RYR3: variants seen among roughly 807,000 people sequenced by gnomAD.
RYR3 encodes the protein brain ryanodine receptor-calcium release channel.
Under a neutral mutation model 584.3 loss-of-function variants are expected in RYR3, and 207 were observed. That is an observed-to-expected ratio of 0.35 (90% CI 0.32 to 0.40). The LOEUF (loss-of-function observed/expected upper bound fraction) is 0.40. Among genes scored for constraint, RYR3 ranks in the 10% least tolerant of loss-of-function variants. The probability of loss-of-function intolerance (pLI) is 1.00; values close to 1 mark genes in which losing one functional copy is unlikely to be tolerated. For synonymous variants in RYR3, 2,416 were observed against 2,248.5 expected (o/e 1.07, Z -2.11); for missense variants, 5,616 against 6,089.2 (o/e 0.92, Z 2.59).
rs772848050 is a variant in RYR3, at chr15:33,566,765, C to A, written c.1234C>A (p.Arg412=). ...GGAGTCCCAGGCTGCTCGGATCATC[C>A]GGAACACTACAGCCTTATTCAGCCA... is the stretch of plus-strand genomic sequence containing the variant. ...REESQAARII[R]NTTALFSQFV... is the part of the protein sequence containing the mutation. The change falls in exon 12 of 104, where the codon CGG becomes AGG. Residue 412 remains arginine, a synonymous_variant. Coordinates refer to ENST00000634891, the MANE Select transcript of RYR3 (RefSeq NM_001036.6). 6.2e-7 allele frequency: 1 copy of A among 1,613,584 alleles called. No individual in the cohort carries two copies. The highest frequency in any genetic ancestry group is 1.3e-5 in the African/African-American group (1 of 74,890).
chr15:33,652,824 C>G lies in RYR3; in HGVS notation c.4249C>G (p.Leu1417Val), dbSNP rs2062566180. Residue 1417 changes from leucine (L) to valine (V), a missense_variant, in exon 32 of 104, where the codon CTG (leucine) becomes GTG (valine). By Grantham distance (32) the Leu-to-Val change is conservative. This residue lies in a region of RYR3 where 753 missense variants were observed against 741.0 expected (regional missense o/e 1.02). Transcript: ENST00000634891. ...VDLEIGCLVD[L>V]AMGMLSFSAN... ...CCTGGAGATCGGCTGTCTCGTGGATCTGGCCATGGGCATGTTGTCCTTCTC... is the reference window on the plus strand; with the variant it reads ...CCTGGAGATCGGCTGTCTCGTGGATGTGGCCATGGGCATGTTGTCCTTCTC... 6.2e-7 allele frequency: 1 copy of G among 1,613,926 alleles called. No individual in the cohort carries two copies. Among genetic ancestry groups the G allele is most frequent in the Non-Finnish European group, 8.5e-7 (1 of 1,179,868 alleles).
intron 60 of RYR3, among the ~76,000 whole-genome samples, chr15:33,761,624 C>T (rs915908142): frequency 6.6e-6 from 1 of 152,140 alleles, no homozygotes; most frequent in Admixed American, 6.5e-5. Context: ...AGCCTACCAA[C>T]CAAAAAAGGC....
chr15:33,412,396 A>T lies in RYR3; in HGVS notation c.52-61023A>T, dbSNP rs1255344554. 6.6e-6 allele frequency among the ~76,000 whole-genome samples: 1 copy of T among 152,074 alleles called. No individual in the cohort carries two copies. The highest frequency in any genetic ancestry group is 1.5e-5 in the Non-Finnish European group (1 of 68,006). ...CAGTGGGAGACAAACTGACAGCGGAAACCCTGGCTCTATTTAAGGCTTCTG... is the reference window on the plus strand; with the variant it reads ...CAGTGGGAGACAAACTGACAGCGGATACCCTGGCTCTATTTAAGGCTTCTG... On this transcript the variant is annotated intron_variant, in intron 1 of 103. Coordinates refer to ENST00000634891, the MANE Select transcript of RYR3 (RefSeq NM_001036.6). This position sits in a 1 kb window ranked among gnomAD's most constrained non-coding sequence, Gnocchi z 4.3.
chr15:33,411,767 C>T (rs1035564680), intron 1 of RYR3, among the ~76,000 whole-genome samples: 4 of 152,132 alleles, frequency 2.6e-5, no homozygotes, highest in African/African-American at 9.7e-5. Context: ...AAATCATGGT[C>T]CTGTGCTGGT....
chr15:33,748,796 C>G (rs2070998774), intron 55 of RYR3, among the ~76,000 whole-genome samples: 1 of 152,084 alleles, frequency 6.6e-6, no homozygotes, highest in Non-Finnish European at 1.5e-5. Context: ...TAGAGTCATT[C>G]CTCAGCATCC....
rs143815122 is a variant in RYR3 at position 33,561,823 on chromosome 15, C to T, written c.973-1014C>T. Among the ~76,000 whole-genome samples, 780 of 151,772 alleles carry T rather than the reference C, an allele frequency of 5.1e-3. 4 individuals carry two copies. The highest frequency in any genetic ancestry group is 9.5e-3 in the Non-Finnish European group (643 of 67,906). ...GGTAAGGTGGGAGGATCACTTGAGC[C>T]TGGGGGCAGAGGTTGCAGTGAGCCA... is the stretch of plus-strand genomic sequence containing the variant. On this transcript the variant is annotated intron_variant, in intron 10 of 103. Coordinates refer to ENST00000634891, the MANE Select transcript of RYR3 (RefSeq NM_001036.6).
At chr15:33,346,328 T>C (rs1595795123) in intron 1 of RYR3, among the ~76,000 whole-genome samples, 1 of 152,250 alleles carries the variant, frequency 6.6e-6, no homozygotes, top group Non-Finnish European at 1.5e-5. Flanking sequence ...CATTTTATTG[T>C]GTCTACATAC....
intron 3 of RYR3, among the ~76,000 whole-genome samples, chr15:33,528,502 C>G (rs956830851): frequency 1.3e-5 from 2 of 152,152 alleles, no homozygotes; most frequent in Admixed American, 6.5e-5. Flanking sequence ...TTTCAATACT[C>G]TCTGCCTTCA....
chr15:33,840,793 G>A, intron 89 of RYR3, 32 bp from the exon 90 acceptor site: 1 of 1,610,168 alleles, frequency 6.2e-7, no homozygotes, highest in Admixed American at 1.7e-5. Context: ...GCTTCTTTGA[G>A]GAAAGCTTGA....
chr15:33,826,370 T>A, intron 83 of RYR3, 101 bp downstream of exon 83: 3 of 1,226,720 alleles, frequency 2.4e-6, no homozygotes, highest in Non-Finnish European at 3.6e-6. Flanking sequence ...GGTAGTTGCA[T>A]GTTGAGTTGA....
intron 16 of RYR3, among the ~76,000 whole-genome samples, chr15:33,589,073 CCAA>C (rs1373312257): frequency 6.6e-6 from 1 of 152,162 alleles, no homozygotes; most frequent in African/African-American, 2.4e-5. Context: ...TACATTCCTA[CCAA>C]CGTGTATAAG....
intron 2 of RYR3, 114 bp downstream of exon 2, chr15:33,473,652 A>AAAAAATAAATGTG: frequency 9.5e-7 from 1 of 1,053,724 alleles, no homozygotes; most frequent in Non-Finnish European, 1.4e-6. Context: ...GGACACATTT[A>AAAAAATAAATGTG]TTTTTTAAAT....
chr15:33,688,109 C>A (rs1041581401), intron 38 of RYR3, among the ~76,000 whole-genome samples: 1 of 152,062 alleles, frequency 6.6e-6, no homozygotes, highest in African/African-American at 2.4e-5. Flanking sequence ...AAGAAACTAC[C>A]ATCAGAGTGA....
At chr15:33,845,294 G>T (rs139546737) in intron 93 of RYR3, among the ~76,000 whole-genome samples, 1 of 151,992 alleles carries the variant, frequency 6.6e-6, no homozygotes, top group Admixed American at 6.6e-5. Context: ...CTCTTGTCTC[G>T]CAGGCTGGAG....
chr15:33,663,670 C>A lies in RYR3; in HGVS notation c.5552C>A (p.Ala1851Asp). ...TTCCGCTACAATGAGCTCATGCAGG[C>A]CCTGAACATGTCTGCGGCCCTGACT... ...QKFRYNELMQ[A>D]LNMSAALTAR... Residue 1851 changes from alanine (A) to aspartate (D), a missense_variant, in exon 36 of 104, where the codon GCC (alanine) becomes GAC (aspartate). By Grantham distance (126) the Ala-to-Asp change is moderately radical. Transcript: ENST00000634891. 6.2e-7 allele frequency: 1 copy of A among 1,612,818 alleles called. No individual in the cohort carries two copies. Among genetic ancestry groups the A allele is most frequent in the South Asian group, 1.1e-5 (1 of 90,706 alleles).
chr15:33,844,114 C>CT (rs1414338341), intron 92 of RYR3, among the ~76,000 whole-genome samples: 1 of 152,206 alleles, frequency 6.6e-6, no homozygotes, highest in East Asian at 1.9e-4. Context: ...TCGACATAGT[C>CT]TTTAACTGGT....
chr15:33,450,095 A>T (rs1471950151), intron 1 of RYR3, among the ~76,000 whole-genome samples: 11 of 115,764 alleles, frequency 9.5e-5, no homozygotes, highest in African/African-American at 4.3e-4. Context: ...CCTAAAAAAA[A>T]AAAAAAAAAA....
At chr15:33,664,607 A>ATG (rs1233097194) in intron 36 of RYR3, among the ~76,000 whole-genome samples, 18 of 139,626 alleles carry the variant, frequency 1.3e-4, no homozygotes, top group Non-Finnish European at 1.7e-4. Flanking sequence ...ATATATATAT[A>ATG]TATATATACG....
intron 13 of RYR3, among the ~76,000 whole-genome samples, chr15:33,580,395 A>C (rs1179614099): frequency 1.3e-5 from 2 of 152,120 alleles, no homozygotes; most frequent in Non-Finnish European, 2.9e-5. Flanking sequence ...TCAAATATAC[A>C]TTTTCAGTAA....
Sources: gnomAD v4.1 joint callset for allele counts (sites outside exome capture counted in the v4.1 genomes callset) on GRCh38, gnomAD v4.1.1 for gene constraint, gnomAD v4.1.1 regional missense constraint, Gnocchi (gnomAD v3.1) non-coding constraint, MANE v1.5 for transcripts, NCBI Gene and HGNC (gene_info 2026-07-23, HGNC 2026-07-21) for gene names.